Variants in WNK3 observed in about 807,000 individuals in gnomAD.
WNK3 encodes the protein WNK lysine deficient protein kinase 3.
WNK3 carries 18 observed loss-of-function variants against 116.7 expected under a neutral mutation model. The ratio of observed to expected loss-of-function variants is 0.15; its 90% CI spans 0.11 to 0.23. WNK3 has a LOEUF of 0.23. Ranked by LOEUF, WNK3 falls within the 10% of genes least tolerant of loss-of-function variation. The pLI is 1.00. For missense variants in WNK3, 993 were observed against 1,323.8 expected (o/e 0.75, Z 3.88); for synonymous variants, 404 against 469.4 (o/e 0.86, Z 1.80).
At chrX:54,240,392 T>C (rs782002368) in intron 17 of WNK3, among the ~76,000 whole-genome samples, 1 of 111,741 alleles carries the variant, frequency 8.9e-6, no homozygotes, top group African/African-American at 3.2e-5. Context: ...GTTTTTACTT[T>C]CTGAAGTCTC....
chrX:54,324,816 T>A, intron 2 of WNK3, among the ~76,000 whole-genome samples: 1 of 112,764 alleles, frequency 8.9e-6, no homozygotes, highest in East Asian at 2.8e-4. Context: ...CCAGTGCGAA[T>A]ACTGTAAACA....
At chrX:54,348,067 T>C in intron 1 of WNK3, among the ~76,000 whole-genome samples, 1 of 111,590 alleles carries the variant, frequency 9.0e-6, no homozygotes. Context: ...CTCATTCTTA[T>C]TTTGTAGTAT....
At chrX:54,214,492 T>C (rs1365353428) in intron 22 of WNK3, among the ~76,000 whole-genome samples, 1 of 111,408 alleles carries the variant, frequency 9.0e-6, no homozygotes, top group Non-Finnish European at 1.9e-5. Context: ...AATAAAAATA[T>C]AGGCAAAACA....
intron 10 of WNK3, among the ~76,000 whole-genome samples, chrX:54,271,371 T>C (rs1557159311): frequency 8.9e-6 from 1 of 111,962 alleles, no homozygotes; most frequent in African/African-American, 3.2e-5. Context: ...CAAGTTTTTG[T>C]TCATGTGTGA....
intron 20 of WNK3, among the ~76,000 whole-genome samples, chrX:54,233,455 A>G (rs1214568844): frequency 2.0e-5 from 2 of 97,579 alleles, no homozygotes; most frequent in South Asian, 5.8e-4. Context: ...AAAAGAAAGA[A>G]AGAGAGAGCG....
chrX:54,280,296 CAAA>C (rs201683615), intron 10 of WNK3, among the ~76,000 whole-genome samples: 1 of 78,433 alleles, frequency 1.3e-5, no homozygotes. Context: ...GACTCTGTCT[CAAA>C]AAAAAAAAAA....
At chrX:54,266,482 T>C (rs1045576538) in intron 10 of WNK3, among the ~76,000 whole-genome samples, 9 of 111,488 alleles carry the variant, frequency 8.1e-5, no homozygotes, top group African/African-American at 2.9e-4. Context: ...CTTGAGGTGA[T>C]AGATACCCCA....
intron 22 of WNK3, among the ~76,000 whole-genome samples, chrX:54,214,222 A>G (rs1465727552): frequency 1.8e-5 from 2 of 111,004 alleles, no homozygotes; most frequent in African/African-American, 6.6e-5. Context: ...ACCTCAGATG[A>G]TCCTCCCGCC....
chrX:54,274,415 C>T (rs1264131803), intron 10 of WNK3, among the ~76,000 whole-genome samples: 2 of 111,471 alleles, frequency 1.8e-5, no homozygotes, highest in Non-Finnish European at 3.8e-5. Flanking sequence ...CATTTATGGC[C>T]ATAATCTCTA....
intron 22 of WNK3, among the ~76,000 whole-genome samples, chrX:54,211,922 C>CT (rs1344465829): frequency 2.8e-5 from 3 of 108,085 alleles, no homozygotes; most frequent in African/African-American, 1.0e-4. Context: ...ACATTTAGAA[C>CT]TCAAAAAAAA....
intron 6 of WNK3, 87 bp downstream of exon 6, chrX:54,301,684 A>G: frequency 3.8e-6 from 3 of 787,302 alleles, no homozygotes; most frequent in Non-Finnish European, 5.6e-6. Flanking sequence ...CAAACTCAGC[A>G]TGACTGAAAG....
chrX:54,351,694 CT>C, intron 1 of WNK3, among the ~76,000 whole-genome samples: 1 of 111,272 alleles, frequency 9.0e-6, no homozygotes, highest in East Asian at 2.8e-4. Flanking sequence ...GGTGGATCAT[CT>C]GAGGTCAGGA....
At chrX:54,314,494 C>T (rs781925758) in intron 2 of WNK3, among the ~76,000 whole-genome samples, 12 of 111,578 alleles carry the variant, frequency 1.1e-4, no homozygotes, top group African/African-American at 3.6e-4. Context: ...GCAGGCTAGG[C>T]ACAGTGGCTC....
At chrX:54,216,137 A>G (rs1479313693) in intron 22 of WNK3, among the ~76,000 whole-genome samples, 1 of 110,039 alleles carries the variant, frequency 9.1e-6, no homozygotes, top group African/African-American at 3.3e-5. Context: ...GGACACAAAC[A>G]CTGCGGAAGG....
chrX:54,314,701 C>T (rs2068931264), intron 2 of WNK3, among the ~76,000 whole-genome samples: 1 of 109,923 alleles, frequency 9.1e-6, no homozygotes, highest in Non-Finnish European at 1.9e-5. Flanking sequence ...CCCGGGAGGT[C>T]GAGACTGTAT....
At chrX:54,261,199 G>A (rs1408170204) in intron 10 of WNK3, among the ~76,000 whole-genome samples, 4 of 110,122 alleles carry the variant, frequency 3.6e-5, no homozygotes, top group African/African-American at 9.9e-5. Flanking sequence ...CTTGAGCCCA[G>A]GAGTTTGAAG....
intron 18 of WNK3, 53 bp from the exon 19 acceptor site, chrX:54,238,525 T>C: frequency 8.9e-7 from 1 of 1,126,373 alleles, no homozygotes. Flanking sequence ...TTGTTAAGAC[T>C]AAATTTGTTT....
At chrX:54,315,404 A>G (rs1557170629) in intron 2 of WNK3, among the ~76,000 whole-genome samples, 2 of 110,463 alleles carry the variant, frequency 1.8e-5, no homozygotes, top group Admixed American at 9.8e-5. Context: ...TAGAGTCTTT[A>G]CTTAGCACTT....
At chrX:54,295,447 C>T (rs1042180850) in intron 7 of WNK3, among the ~76,000 whole-genome samples, 3 of 111,343 alleles carry the variant, frequency 2.7e-5, no homozygotes, top group Non-Finnish European at 3.8e-5. Context: ...ACTGCCATTA[C>T]GTTTTTTGAA....
Sources: gnomAD v4.1 joint callset for allele counts (sites outside exome capture counted in the v4.1 genomes callset) on GRCh38, gnomAD v4.1.1 for gene constraint, MANE v1.5 for transcripts, NCBI Gene and HGNC (gene_info 2026-07-23, HGNC 2026-07-21) for gene names.